The following PIP4K2A variants were observed in gnomAD, a reference collection of about 807,000 sequenced individuals.
PIP4K2A encodes the protein phosphatidylinositol-5-phosphate 4-kinase type 2 alpha.
In PIP4K2A, 14 loss-of-function variants were observed where a neutral mutation model predicts 42.9. The observed-to-expected ratio is 0.33, with a 90% CI of 0.22 to 0.51. The LOEUF is 0.51. Ranked by LOEUF, PIP4K2A falls within the 20% of genes least tolerant of loss-of-function variation. The pLI is 0.97. For missense variants in PIP4K2A, 434 were observed against 519.8 expected, an observed-to-expected ratio of 0.83 and a Z score of 1.61; for synonymous variants, 192 against 192.2, an observed-to-expected ratio of 1.00 and a Z score of 0.01.
At chr10:22,617,212 T>A (rs374133509) in intron 1 of PIP4K2A, among the ~76,000 whole-genome samples, 3 of 152,226 alleles carry the variant, frequency 2.0e-5, no homozygotes, top group South Asian at 2.1e-4. Flanking sequence ...CTCCTGCAGA[T>A]GTAAGACTAA....
rs540907186 is a variant in PIP4K2A, at chr10:22,664,205, A to G, written c.144+49978T>C. ...TACATATATATACATATATATATAC[A>G]TATATATATATACATATATATATAC... On this transcript the variant is annotated intron_variant, in intron 1 of 9. Coordinates refer to ENST00000376573, the MANE Select transcript of PIP4K2A (RefSeq NM_005028.5). 4.3e-3 allele frequency among the ~76,000 whole-genome samples: 175 copies of G among 40,764 alleles called. 4 individuals carry two copies. Among genetic ancestry groups the G allele is most frequent in the Admixed American group, 7.2e-3 (24 of 3,354 alleles). The allele number at this position is 40,764 out of a possible 152,430, so 26.7% of individuals were successfully genotyped here. A position where few individuals can be genotyped will look rare whatever the true frequency, so the allele number is the denominator to read the frequency against.
chr10:22,556,245 G>A (rs1160755599), intron 6 of PIP4K2A, among the ~76,000 whole-genome samples: 1 of 152,038 alleles, frequency 6.6e-6, no homozygotes, highest in East Asian at 1.9e-4. Context: ...AGGTGACATG[G>A]CCCGAGGCGC....
At chr10:22,625,297 C>A (rs1340624652) in intron 1 of PIP4K2A, among the ~76,000 whole-genome samples, 1 of 152,074 alleles carries the variant, frequency 6.6e-6, no homozygotes, top group African/African-American at 2.4e-5. Context: ...AGTTTTACTG[C>A]TTTCATGAAA....
chr10:22,613,673 G>T lies in PIP4K2A; in HGVS notation c.145-3956C>A, dbSNP rs377196938. 1.6e-4 allele frequency among the ~76,000 whole-genome samples: 24 copies of T among 152,330 alleles called. No individual in the cohort carries two copies. In the East Asian group the frequency reaches 4.2e-3, roughly 27 times the overall value. ...GATGGACAAGTTTAAATAGAGACAG[G>T]AGGCTGGGCTTCCGGGCAGAGCTGA... is the stretch of plus-strand genomic sequence containing the variant. On this transcript the variant is annotated intron_variant, in intron 1 of 9. Transcript: ENST00000376573.
At chr10:22,541,703 C>G (rs1023413247) in intron 8 of PIP4K2A, 101 bp downstream of exon 8, 21 of 1,327,484 alleles carry the variant, frequency 1.6e-5, no homozygotes, top group East Asian at 2.5e-5. Flanking sequence ...TGAGTGCTGC[C>G]GGGCAGCACC....
Position 22,536,468 on chromosome 10 carries a change from G to T in PIP4K2A, c.*733C>A, listed in dbSNP as rs1302932264. ...CAGCTGCTTGTTGCGGGAGGGGTGG[G>T]GGCTCTGGACACCAGGGGGTCCTGA... On this transcript the variant is annotated 3_prime_UTR_variant, in exon 10 of 10. Transcript: ENST00000376573. 1 of 193,372 alleles carries T rather than the reference G, an allele frequency of 5.2e-6. No homozygotes were observed. Among genetic ancestry groups the T allele is most frequent in the Non-Finnish European group, 1.0e-5 (1 of 96,018 alleles). The allele number at this position is 193,372 out of a possible 1,614,324, so 12.0% of individuals were successfully genotyped here.
chr10:22,607,876 C>T, intron 3 of PIP4K2A, 51 bp downstream of exon 3: 2 of 1,159,238 alleles, frequency 1.7e-6, no homozygotes, highest in Non-Finnish European at 2.6e-6. Context: ...CAGCAAAAGT[C>T]ATGGCAAAAC....
rs560777623 is a variant in PIP4K2A at position 22,620,446 on chromosome 10, G to A, written c.145-10729C>T. Among the ~76,000 whole-genome samples the A allele has an allele frequency of 7.9e-5, 12 of 152,348 alleles. No individual in the cohort carries two copies. The South Asian group carries it at 2.1e-3, about 26-fold the overall frequency. On this transcript the variant is annotated intron_variant, in intron 1 of 9. Transcript: ENST00000376573. ...CTATGACTGAGCCCTGGTCAGCCAC[G>A]TCACCACCCTCTGGCCTTGAGCAAA... is the stretch of plus-strand genomic sequence containing the variant.
intron 1 of PIP4K2A, among the ~76,000 whole-genome samples, chr10:22,703,402 T>C (rs1457084361): frequency 6.6e-6 from 1 of 152,016 alleles, no homozygotes; most frequent in African/African-American, 2.4e-5. Context: ...GAGCGAGACC[T>C]TGTCTCAAAT....
intron 1 of PIP4K2A, among the ~76,000 whole-genome samples, chr10:22,622,076 G>C (rs1838343428): frequency 6.6e-6 from 1 of 152,198 alleles, no homozygotes; most frequent in African/African-American, 2.4e-5. Flanking sequence ...GGAAGTTAGA[G>C]ATTGGGGGAA....
intron 3 of PIP4K2A, among the ~76,000 whole-genome samples, chr10:22,603,930 A>G (rs1157589504): frequency 6.6e-6 from 1 of 152,192 alleles, no homozygotes; most frequent in African/African-American, 2.4e-5. Context: ...ATGCAATTTA[A>G]AAATGCCCTA....
intron 1 of PIP4K2A, among the ~76,000 whole-genome samples, chr10:22,656,390 CA>C (rs1025633808): frequency 6.6e-6 from 1 of 152,166 alleles, no homozygotes; most frequent in African/African-American, 2.4e-5. Context: ...ACGTATGACC[CA>C]ATTTGGGGTA....
At chr10:22,605,805 T>C (rs576128422) in intron 3 of PIP4K2A, among the ~76,000 whole-genome samples, 1 of 151,562 alleles carries the variant, frequency 6.6e-6, no homozygotes, top group Non-Finnish European at 1.5e-5. Context: ...CAGAGGAGAT[T>C]TTCTTAAGAC....
intron 9 of PIP4K2A, among the ~76,000 whole-genome samples, chr10:22,538,200 G>C (rs962776532): frequency 3.9e-5 from 6 of 152,214 alleles, no homozygotes; most frequent in South Asian, 2.1e-4. Flanking sequence ...TGAATGCAGA[G>C]AGAATGGTCC....
chr10:22,548,625 T>A (rs1836314071), intron 7 of PIP4K2A, among the ~76,000 whole-genome samples: 1 of 152,182 alleles, frequency 6.6e-6, no homozygotes, highest in Non-Finnish European at 1.5e-5. Flanking sequence ...AAGGGGGAAA[T>A]GCTTAACTAA....
In PIP4K2A at chr10:22,573,319, C is replaced by T. The variant is rs762483866; in HGVS notation, c.631G>A (p.Asp211Asn). Residue 211 changes from aspartate to asparagine, a missense_variant, in exon 5 of 10, where the codon GAC becomes AAC. Asp to Asn is a conservative substitution (Grantham distance 23). Around this residue, in one of 2 missense-constraint regions of PIP4K2A, gnomAD observed 395 missense variants for 444.5 expected, o/e 0.89. Coordinates refer to ENST00000376573, the MANE Select transcript of PIP4K2A (RefSeq NM_005028.5). Reference sequence around the variant, plus strand: ...CATAAAATCAGTCTCACCTTTAAGTCGTATTTCCTATACACAGACAAACGG... The same window carrying T: ...CATAAAATCAGTCTCACCTTTAAGTTGTATTTCCTATACACAGACAAACGG... ...SHRLSVYRKY[D>N]LKGSTVAREA... The T allele has an allele frequency of 1.1e-5, 18 of 1,612,918 alleles. No individual in the cohort carries two copies. The East Asian group carries it at 3.6e-4, about 32-fold the overall frequency.
intron 1 of PIP4K2A, among the ~76,000 whole-genome samples, chr10:22,679,030 G>T (rs1323799686): frequency 6.6e-6 from 1 of 152,162 alleles, no homozygotes; most frequent in Non-Finnish European, 1.5e-5. Context: ...CTTGTGTTAG[G>T]CAATGGTTTC....
At chr10:22,612,623 CAG>C (rs764269736) in intron 1 of PIP4K2A, among the ~76,000 whole-genome samples, 52 of 152,158 alleles carry the variant, frequency 3.4e-4, no homozygotes, top group Non-Finnish European at 6.6e-4. Flanking sequence ...ACGAAAGAAG[CAG>C]AGAGACTCCG....
intron 3 of PIP4K2A, among the ~76,000 whole-genome samples, chr10:22,599,123 A>G (rs16922487): frequency 0.04 from 6,059 of 152,306 alleles, 356 homozygotes; most frequent in African/African-American, 0.14. Flanking sequence ...TGAATAAATT[A>G]AACGAGTTTC....
Sources: gnomAD v4.1 joint callset for allele counts (sites outside exome capture counted in the v4.1 genomes callset) on GRCh38, gnomAD v4.1.1 for gene constraint, gnomAD v4.1.1 regional missense constraint, MANE v1.5 for transcripts, NCBI Gene and HGNC (gene_info 2026-07-23, HGNC 2026-07-21) for gene names.